Variants in FANCB observed in about 807,000 individuals in gnomAD.
The protein encoded by FANCB is Fanconi anemia group B protein.
Under a neutral mutation model 38.9 loss-of-function variants are expected in FANCB, and 5 were observed. That is an observed-to-expected ratio of 0.13 (90% CI 0.07 to 0.27). FANCB has a LOEUF of 0.27. Among genes scored for constraint, FANCB ranks in the 10% least tolerant of loss-of-function variants. The probability of loss-of-function intolerance (pLI) is 1.00; values close to 1 mark genes in which losing one functional copy is unlikely to be tolerated. For synonymous variants in FANCB, 236 were observed against 215.4 expected, an observed-to-expected ratio of 1.10 and a Z score of -0.84; for missense variants, 573 against 602.7, an observed-to-expected ratio of 0.95 and a Z score of 0.52.
chrX:14,746,393 T>C, the FANCB span, among the ~76,000 whole-genome samples: 1 of 112,174 alleles, frequency 8.9e-6, no homozygotes, highest in Admixed American at 9.4e-5. Flanking sequence ...TAATTCTGAC[T>C]ACAAAGTATG....
the FANCB span, among the ~76,000 whole-genome samples, chrX:14,809,624 G>T: frequency 8.9e-6 from 1 of 112,448 alleles, no homozygotes; most frequent in Non-Finnish European, 1.9e-5. Flanking sequence ...AGGCAGGCTG[G>T]GGAAGGGGCG....
At chrX:14,838,291 C>A (rs1045904255) in intron 10 of FANCB, among the ~76,000 whole-genome samples, 1 of 111,766 alleles carries the variant, frequency 8.9e-6, no homozygotes, top group Admixed American at 9.5e-5. Flanking sequence ...GTGGATAATT[C>A]TTTTTCCTAC....
chrX:14,841,476 G>A (rs2092354698), downstream of FANCB, among the ~76,000 whole-genome samples: 1 of 112,165 alleles, frequency 8.9e-6, no homozygotes. Flanking sequence ...CAATTGAGTA[G>A]TCAATTCTAC....
At chrX:14,808,959 G>T in the FANCB span, among the ~76,000 whole-genome samples, 2 of 111,915 alleles carry the variant, frequency 1.8e-5, no homozygotes, top group Non-Finnish European at 3.8e-5. Context: ...ATTTACAATA[G>T]CTACAAATAA....
At chrX:14,699,089 C>G in the FANCB span, among the ~76,000 whole-genome samples, 1 of 112,155 alleles carries the variant, frequency 8.9e-6, no homozygotes, top group Non-Finnish European at 1.9e-5. Context: ...CAGATCTTCC[C>G]TGACAGAACT....
the FANCB span, among the ~76,000 whole-genome samples, chrX:14,777,258 AATTAGCTG>A: frequency 8.9e-6 from 1 of 112,136 alleles, no homozygotes; most frequent in Non-Finnish European, 1.9e-5. Context: ...TGGTAGTGTA[AATTAGCTG>A]ATTTTTCACA....
the FANCB span, among the ~76,000 whole-genome samples, chrX:14,743,758 T>G: frequency 9.0e-6 from 1 of 111,110 alleles, no homozygotes; most frequent in Non-Finnish European, 1.9e-5. Context: ...AGGGCCATGT[T>G]CCCTCCAAAG....
At chrX:14,700,099 A>T in the FANCB span, among the ~76,000 whole-genome samples, 1 of 111,316 alleles carries the variant, frequency 9.0e-6, no homozygotes, top group African/African-American at 3.3e-5. Flanking sequence ...TACAGACATG[A>T]CCCTCAGTGT....
the FANCB span, among the ~76,000 whole-genome samples, chrX:14,781,236 C>G: frequency 9.2e-6 from 1 of 108,825 alleles, no homozygotes; most frequent in Non-Finnish European, 1.9e-5. Flanking sequence ...TCAAGACCAG[C>G]CTGACCAACA....
chrX:14,853,612 A>C (rs2092411044), intron 5 of FANCB, among the ~76,000 whole-genome samples: 1 of 112,459 alleles, frequency 8.9e-6, no homozygotes, highest in African/African-American at 3.2e-5. Context: ...TTTTAATCAG[A>C]TACTGCTCGA....
the FANCB span, among the ~76,000 whole-genome samples, chrX:14,812,441 GAGA>G: frequency 9.0e-6 from 1 of 111,639 alleles, no homozygotes; most frequent in African/African-American, 3.3e-5. Flanking sequence ...GAAGAAAAGA[GAGA>G]AGAATCAAAT....
chrX:14,735,925 C>G, the FANCB span, among the ~76,000 whole-genome samples: 2 of 111,808 alleles, frequency 1.8e-5, no homozygotes, highest in African/African-American at 6.5e-5. Context: ...TTTCAGAGAT[C>G]CCCTGCCCAG....
the FANCB span, among the ~76,000 whole-genome samples, chrX:14,779,058 A>C: frequency 9.0e-6 from 1 of 111,629 alleles, no homozygotes; most frequent in African/African-American, 3.3e-5. Flanking sequence ...GAGAGTATAA[A>C]AGTCCAACTC....
chrX:14,817,618 C>A, the FANCB span, among the ~76,000 whole-genome samples: 3 of 111,333 alleles, frequency 2.7e-5, no homozygotes, highest in Admixed American at 9.5e-5. Context: ...CACAATAACC[C>A]CCTAGCTGCA....
the FANCB span, among the ~76,000 whole-genome samples, chrX:14,796,355 G>A: frequency 1.0e-5 from 1 of 99,028 alleles, no homozygotes. Context: ...GAACCAATAG[G>A]ATATATGTGT....
chrX:14,864,534 AATT>A, intron 3 of FANCB, 23 bp downstream of exon 3: 1 of 978,852 alleles, frequency 1.0e-6, no homozygotes, highest in Admixed American at 2.2e-5. Flanking sequence ...CCACCAACTG[AATT>A]ATTATTACAA....
chrX:14,861,071 T>TG (rs1052474974), intron 3 of FANCB, among the ~76,000 whole-genome samples: 4 of 110,794 alleles, frequency 3.6e-5, no homozygotes, highest in Non-Finnish European at 5.7e-5. Context: ...TTTGTACAGA[T>TG]GGGGGTCTCA....
Position 14,843,659 on chromosome X carries a change from C to G in FANCB, c.2488G>C (p.Val830Leu). 1 of 1,210,121 alleles carries G rather than the reference C, an allele frequency of 8.3e-7. No homozygotes were observed. Among genetic ancestry groups the G allele is most frequent in the Non-Finnish European group, 1.1e-6 (1 of 894,141 alleles). Residue 830 changes from valine (V) to leucine (L), a missense_variant, in exon 10 of 10, where the codon GTG (valine) becomes CTG (leucine). Coordinates refer to ENST00000650831, the MANE Select transcript of FANCB (RefSeq NM_001018113.3). ...KKKMLQTNLKVSGALYREITL... is the reference protein window; with the variant it reads ...KKKMLQTNLKLSGALYREITL... ...ATTTCTCTGTAAAGGGCACCACTCA[C>G]TTTTAGGTTCGTTTGCAACATTTTC...
chrX:14,697,611 G>A, the FANCB span, among the ~76,000 whole-genome samples: 1 of 111,668 alleles, frequency 9.0e-6, no homozygotes, highest in Non-Finnish European at 1.9e-5. Context: ...ACCAGAGGCT[G>A]GGGACAGATG....
Sources: gnomAD v4.1 joint callset for allele counts (sites outside exome capture counted in the v4.1 genomes callset) on GRCh38, gnomAD v4.1.1 for gene constraint, MANE v1.5 for transcripts, NCBI Gene and HGNC (gene_info 2026-07-23, HGNC 2026-07-21) for gene names.